The following NOS1AP variants were observed in gnomAD, a reference collection of about 807,000 sequenced individuals.
The protein encoded by NOS1AP is carboxyl-terminal PDZ ligand of neuronal nitric oxide synthase protein.
A neutral mutation model predicts 56.2 loss-of-function variants in NOS1AP; 21 were observed. That is an observed-to-expected ratio of 0.37 (90% CI 0.26 to 0.54). The LOEUF is 0.54. NOS1AP is among the 20% of genes least tolerant of loss of function. NOS1AP has a pLI of 0.84. For missense variants in NOS1AP, 522 were observed against 657.8 expected (o/e 0.79, Z 2.26); for synonymous variants, 270 against 274.6 (o/e 0.98, Z 0.17).
intron 2 of NOS1AP, among the ~76,000 whole-genome samples, chr1:162,167,375 A>G (rs566062919): frequency 2.0e-5 from 3 of 152,202 alleles, no homozygotes; most frequent in African/African-American, 7.2e-5. Flanking sequence ...ACAGTCATTC[A>G]TGATCTTTTC....
intron 2 of NOS1AP, among the ~76,000 whole-genome samples, chr1:162,197,374 G>A (rs188285324): frequency 1.7e-4 from 26 of 152,298 alleles, no homozygotes; most frequent in African/African-American, 5.8e-4. Context: ...GAGGGCACAC[G>A]CATGATGGTG....
chr1:162,100,833 T>G lies in NOS1AP; in HGVS notation c.105+30551T>G, dbSNP rs181447419. ...TTAAGTTCCTCATAGACTCTGGATA[T>G]TAGATCTTTGTCAGATGAATAGATT... On this transcript the variant is annotated intron_variant, in intron 1 of 9. Coordinates refer to ENST00000361897, the MANE Select transcript of NOS1AP (RefSeq NM_014697.3). 2.2e-4 allele frequency among the ~76,000 whole-genome samples: 33 copies of G among 152,306 alleles called. 1 individual carries two copies. Among genetic ancestry groups the G allele is most frequent in the African/African-American group, 6.5e-4 (27 of 41,580 alleles).
In NOS1AP at chr1:162,352,203, GCA is replaced by G. The variant is rs1364894511; in HGVS notation, c.596-2983_596-2982del. On this transcript the variant is annotated intron_variant, in intron 6 of 9. Transcript: ENST00000361897. ...GCCTCCCAAGCAGCTGGGATTACAG[GCA>G]TGTACCACCATGCCCAGCTAATTTT... Among the ~76,000 whole-genome samples the G allele has an allele frequency of 1.5e-3, 222 of 152,230 alleles. 3 individuals are homozygous for G. In the Middle Eastern group the frequency reaches 0.017, roughly 12 times the overall value.
At chr1:162,199,563 C>A (rs1425155802) in intron 2 of NOS1AP, among the ~76,000 whole-genome samples, 1 of 149,820 alleles carries the variant, frequency 6.7e-6, no homozygotes, top group Non-Finnish European at 1.5e-5. Context: ...TGAAAATTTC[C>A]CTGATAATTC....
At chr1:162,200,755 C>T (rs983694992) in intron 2 of NOS1AP, among the ~76,000 whole-genome samples, 2 of 152,158 alleles carry the variant, frequency 1.3e-5, no homozygotes, top group African/African-American at 4.8e-5. Context: ...CCTTGGGAAC[C>T]TGTTTCTGTT....
intron 2 of NOS1AP, among the ~76,000 whole-genome samples, chr1:162,244,964 T>C (rs1291923720): frequency 6.6e-6 from 1 of 152,154 alleles, no homozygotes; most frequent in Non-Finnish European, 1.5e-5. Flanking sequence ...ACTATGGCTA[T>C]ATAGGGTGAT....
intron 4 of NOS1AP, among the ~76,000 whole-genome samples, chr1:162,328,798 C>CTCTT (rs1384551090): frequency 6.6e-6 from 1 of 152,184 alleles, no homozygotes; most frequent in Non-Finnish European, 1.5e-5. Flanking sequence ...TAACTAGAAC[C>CTCTT]TCTTAAAAAG....
intron 3 of NOS1AP, among the ~76,000 whole-genome samples, chr1:162,291,143 G>T (rs1255231333): frequency 6.6e-6 from 1 of 152,090 alleles, no homozygotes; most frequent in African/African-American, 2.4e-5. Context: ...CTCTGAGGCA[G>T]CCATCCCAGC....
intron 5 of NOS1AP, chr1:162,338,818 CT>C (rs1221972857): frequency 6.6e-6 from 1 of 152,136 alleles, no homozygotes; most frequent in Non-Finnish European, 1.5e-5. Context: ...CCACTGTCGG[CT>C]TTTGTTTGCT....
At chr1:162,354,022 T>TA (rs1657608138) in intron 6 of NOS1AP, among the ~76,000 whole-genome samples, 1 of 152,208 alleles carries the variant, frequency 6.6e-6, no homozygotes. Flanking sequence ...GCTCCTGGAG[T>TA]AGCCAGGAAG....
intron 2 of NOS1AP, among the ~76,000 whole-genome samples, chr1:162,219,073 G>A (rs1025398914): frequency 4.0e-5 from 6 of 151,796 alleles, no homozygotes; most frequent in Admixed American, 3.9e-4. Flanking sequence ...TAATAGCTTC[G>A]GCATGACATT....
chr1:162,083,825 G>A (rs1691944243), intron 1 of NOS1AP, among the ~76,000 whole-genome samples: 2 of 152,188 alleles, frequency 1.3e-5, no homozygotes, highest in Admixed American at 6.5e-5. Context: ...TATTGAAGTA[G>A]CATAGGGCCT....
intron 1 of NOS1AP, among the ~76,000 whole-genome samples, chr1:162,130,478 C>G (rs1351607667): frequency 6.6e-6 from 1 of 152,206 alleles, no homozygotes; most frequent in Admixed American, 6.5e-5. Flanking sequence ...TTCAGCTGCC[C>G]TGCTCTGTTT....
At chr1:162,365,268 G>A in intron 8 of NOS1AP, 136 bp from the exon 9 acceptor site, 1 of 1,521,678 alleles carries the variant, frequency 6.6e-7, no homozygotes, top group Non-Finnish European at 8.8e-7. Flanking sequence ...TGCCCATGCT[G>A]CCCGTGAAGG....
intron 2 of NOS1AP, among the ~76,000 whole-genome samples, chr1:162,269,835 T>A (rs1201156857): frequency 6.7e-6 from 1 of 149,902 alleles, no homozygotes; most frequent in Admixed American, 6.7e-5. Flanking sequence ...GTAGCCTGAT[T>A]TCCTAAAAGT....
At chr1:162,352,202 G>A (rs1181841448) in intron 6 of NOS1AP, among the ~76,000 whole-genome samples, 4 of 152,094 alleles carry the variant, frequency 2.6e-5, no homozygotes, top group African/African-American at 9.7e-5. Flanking sequence ...TGGGATTACA[G>A]GCATGTACCA....
chr1:162,095,361 A>C (rs1486727819), intron 1 of NOS1AP, among the ~76,000 whole-genome samples: 1 of 152,168 alleles, frequency 6.6e-6, no homozygotes, highest in African/African-American at 2.4e-5. Flanking sequence ...TCTGTCTGCA[A>C]ACCAGGAAGA....
intron 4 of NOS1AP, among the ~76,000 whole-genome samples, chr1:162,312,790 G>C (rs1177713015): frequency 1.3e-5 from 2 of 152,026 alleles, no homozygotes; most frequent in African/African-American, 4.8e-5. Context: ...CCATGATCAA[G>C]TGGGCTTCAT....
intron 1 of NOS1AP, among the ~76,000 whole-genome samples, chr1:162,140,868 G>A (rs1193896442): frequency 6.6e-6 from 1 of 152,108 alleles, no homozygotes; most frequent in Non-Finnish European, 1.5e-5. Flanking sequence ...ATCTCACTGT[G>A]GTTTCGATTC....
Sources: gnomAD v4.1 joint callset for allele counts (sites outside exome capture counted in the v4.1 genomes callset) on GRCh38, gnomAD v4.1.1 for gene constraint, MANE v1.5 for transcripts, NCBI Gene and HGNC (gene_info 2026-07-23, HGNC 2026-07-21) for gene names.